The following RAD51B variants were observed in gnomAD, a reference collection of about 807,000 sequenced individuals.
The protein encoded by RAD51B is RAD51 paralog B, also known as DNA repair protein RAD51 homolog 2.
In RAD51B, 38 loss-of-function variants were observed where a neutral mutation model predicts 42.2. That is an observed-to-expected ratio of 0.90 (90% confidence interval 0.70 to 1.18). The LOEUF (loss-of-function observed/expected upper bound fraction) is 1.18, where lower values mean the gene tolerates loss of function less well. RAD51B is among the 50% of genes most tolerant of loss of function. RAD51B has a pLI of 0.00. For missense variants in RAD51B, 373 were observed against 400.7 expected, an observed-to-expected ratio of 0.93 and a Z score of 0.59; for synonymous variants, 154 against 145.2, an observed-to-expected ratio of 1.06 and a Z score of -0.43.
intron 5 of RAD51B, among the ~76,000 whole-genome samples, chr14:67,881,418 A>C (rs563863317): frequency 1.3e-5 from 2 of 152,126 alleles, no homozygotes; most frequent in Non-Finnish European, 2.9e-5. Flanking sequence ...CTCAACCTCA[A>C]GTAGTTTCCC....
chr14:68,246,217 G>A (rs1306064051), intron 7 of RAD51B, among the ~76,000 whole-genome samples: 1 of 151,876 alleles, frequency 6.6e-6, no homozygotes, highest in Non-Finnish European at 1.5e-5. Context: ...GAAGCCTCCT[G>A]GCTCTGTTTG....
chr14:68,672,039 A>T (rs1189389542), intron 11 of RAD51B, among the ~76,000 whole-genome samples: 1 of 152,214 alleles, frequency 6.6e-6, no homozygotes, highest in Non-Finnish European at 1.5e-5. Context: ...AAGCCAGAGA[A>T]GCTAAACAAT....
chr14:68,249,029 C>G (rs1202983362), intron 7 of RAD51B, among the ~76,000 whole-genome samples: 2 of 152,236 alleles, frequency 1.3e-5, no homozygotes, highest in African/African-American at 2.4e-5. Flanking sequence ...TGGGCTGAGT[C>G]AGTTGGAAGA....
chr14:68,497,686 T>C (rs1884628319), intron 10 of RAD51B: 2 of 348,306 alleles, frequency 5.7e-6, no homozygotes, highest in Non-Finnish European at 8.9e-6. Flanking sequence ...GTGTTCCTAT[T>C]TCCCCCTCCT....
intron 4 of RAD51B, among the ~76,000 whole-genome samples, chr14:67,859,153 G>A (rs1031037806): frequency 5.3e-5 from 8 of 152,232 alleles, no homozygotes; most frequent in African/African-American, 1.9e-4. Flanking sequence ...AGTGCATGAG[G>A]AAAGCATGCA....
chr14:68,298,101 G>C, intron 8 of RAD51B, among the ~76,000 whole-genome samples: 1 of 152,164 alleles, frequency 6.6e-6, no homozygotes, highest in South Asian at 2.1e-4. Context: ...CAGCTGTTCA[G>C]ATGCCATGAA....
At chr14:68,682,320 G>T (rs1166212866) in intron 11 of RAD51B, among the ~76,000 whole-genome samples, 1 of 152,144 alleles carries the variant, frequency 6.6e-6, no homozygotes, top group East Asian at 1.9e-4. Context: ...GACACCTTTT[G>T]AAATAACAAA....
intron 8 of RAD51B, among the ~76,000 whole-genome samples, chr14:68,372,931 G>A (rs1236070968): frequency 6.6e-6 from 1 of 152,232 alleles, no homozygotes; most frequent in Non-Finnish European, 1.5e-5. Flanking sequence ...ACATGCATAT[G>A]TGAGTGAAGA....
intron 8 of RAD51B, among the ~76,000 whole-genome samples, chr14:68,370,990 C>T (rs147062045): frequency 0.073 from 9,205 of 125,574 alleles, 486 homozygotes; most frequent in African/African-American, 0.16. Context: ...TGAGCCAAGA[C>T]TGTGCTGCTG....
intron 7 of RAD51B, among the ~76,000 whole-genome samples, chr14:68,152,393 G>A (rs919164630): frequency 1.3e-5 from 2 of 152,014 alleles, no homozygotes; most frequent in South Asian, 2.1e-4. Flanking sequence ...GCTGTGGCAG[G>A]GCTACTCTCT....
chr14:68,334,879 G>A (rs1253089986), intron 8 of RAD51B, among the ~76,000 whole-genome samples: 1 of 133,922 alleles, frequency 7.5e-6, no homozygotes, highest in African/African-American at 2.9e-5. Flanking sequence ...ATATAGGATA[G>A]ATATATATTT....
At chr14:68,322,616 T>G (rs979535575) in intron 8 of RAD51B, among the ~76,000 whole-genome samples, 9 of 152,228 alleles carry the variant, frequency 5.9e-5, no homozygotes, top group African/African-American at 2.2e-4. Context: ...ATTGGCTGAT[T>G]TGAGCTTTTG....
chr14:67,897,522 A>C (rs1172093289), intron 7 of RAD51B, among the ~76,000 whole-genome samples: 1 of 152,206 alleles, frequency 6.6e-6, no homozygotes, highest in Admixed American at 6.5e-5. Flanking sequence ...AAAGTTACTA[A>C]TCATAAGGGA....
rs74059327 is a variant in RAD51B, at chr14:68,496,346, C to T, written c.1036+28096C>T. Among the ~76,000 whole-genome samples, 638 of 152,354 alleles carry T rather than the reference C, an allele frequency of 4.2e-3. 7 individuals are homozygous for T. The highest frequency in any genetic ancestry group is 0.014 in the African/African-American group (597 of 41,586). The stretch of plus-strand genomic sequence containing the variant: ...CTCTCCTCTTGTAGCCATATTCCCT[C>T]CTCTCCTCTCTGCAGCAGTGTTCCC... On this transcript the variant is annotated intron_variant, in intron 10 of 10. Transcript: ENST00000487270.
At chr14:68,383,959 A>G (rs2083536945) in intron 8 of RAD51B, among the ~76,000 whole-genome samples, 1 of 152,214 alleles carries the variant, frequency 6.6e-6, no homozygotes, top group South Asian at 2.1e-4. Context: ...AGACAGAGTG[A>G]GCAGGTTGCC....
chr14:68,101,855 C>T (rs2077296079), intron 7 of RAD51B, among the ~76,000 whole-genome samples: 1 of 152,256 alleles, frequency 6.6e-6, no homozygotes, highest in Admixed American at 6.5e-5. Context: ...CATTTCCCTT[C>T]TGCACTGCCC....
intron 7 of RAD51B, among the ~76,000 whole-genome samples, chr14:68,017,698 C>T (rs1016362161): frequency 1.3e-5 from 2 of 151,924 alleles, no homozygotes; most frequent in African/African-American, 4.8e-5. Flanking sequence ...TTAGGCCAGG[C>T]ATGGTGGCTC....
At chr14:67,851,128 G>T (rs1425313614) in intron 4 of RAD51B, among the ~76,000 whole-genome samples, 3 of 152,048 alleles carry the variant, frequency 2.0e-5, no homozygotes, top group Non-Finnish European at 4.4e-5. Context: ...GGTGGTGTTG[G>T]CTGGTTGCGT....
intron 7 of RAD51B, among the ~76,000 whole-genome samples, chr14:67,999,596 A>G (rs2075444046): frequency 6.6e-6 from 1 of 152,224 alleles, no homozygotes; most frequent in Non-Finnish European, 1.5e-5. Flanking sequence ...TGTATTATGC[A>G]ACCTCTCACA....
Sources: allele counts gnomAD v4.1 joint callset (sites outside exome capture counted in the v4.1 genomes callset), GRCh38; gene constraint gnomAD v4.1.1; transcripts MANE v1.5; gene names NCBI Gene and HGNC (gene_info 2026-07-23, HGNC 2026-07-21).